Variants in NCOR2 observed in about 807,000 individuals in gnomAD.
The protein encoded by NCOR2 is CTG repeat protein 26.
Under a neutral mutation model 262.9 loss-of-function variants are expected in NCOR2, and 81 were observed. The ratio of observed to expected loss-of-function variants is 0.31; its 90% CI spans 0.26 to 0.37. The LOEUF (loss-of-function observed/expected upper bound fraction) is 0.37, where lower values mean the gene tolerates loss of function less well. Among genes scored for constraint, NCOR2 ranks in the 10% least tolerant of loss-of-function variants. The pLI is 1.00. For missense variants in NCOR2, 3,385 were observed against 3,621.4 expected, an observed-to-expected ratio of 0.93 and a Z score of 1.68; for synonymous variants, 1,659 against 1,559.3, an observed-to-expected ratio of 1.06 and a Z score of -1.51.
intron 1 of NCOR2, among the ~76,000 whole-genome samples, chr12:124,516,244 C>T (rs530289569): frequency 1.3e-5 from 2 of 152,316 alleles, no homozygotes; most frequent in African/African-American, 4.8e-5. Context: ...AAACACAGGA[C>T]GGCTGCCACC....
At chr12:124,329,180 G>C (rs2034959512) in intron 44 of NCOR2, 1 of 468,266 alleles carries the variant, frequency 2.1e-6, no homozygotes, top group Non-Finnish European at 4.4e-6. Context: ...AAAAAATCAG[G>C]CTGGGCGTGA....
chr12:124,340,742 T>C (rs1371175273), exon 35 of NCOR2: 1 of 1,541,730 alleles, frequency 6.5e-7, no homozygotes, highest in Non-Finnish European at 8.6e-7. Flanking sequence ...TTGGGACAGG[T>C]CGATGATGCC....
At chr12:124,384,920 T>C (rs943301553) in intron 17 of NCOR2, among the ~76,000 whole-genome samples, 2 of 151,910 alleles carry the variant, frequency 1.3e-5, no homozygotes, top group Non-Finnish European at 2.9e-5. Flanking sequence ...TGGGTGCTGA[T>C]CTCATAACTG....
At chr12:124,424,913 G>A (rs1365588283) in intron 11 of NCOR2, among the ~76,000 whole-genome samples, 2 of 152,198 alleles carry the variant, frequency 1.3e-5, no homozygotes, top group Admixed American at 6.5e-5. Flanking sequence ...CCACTCTCCT[G>A]CCTCCCAGAG....
chr12:124,448,623 T>G (rs938994041), intron 7 of NCOR2, among the ~76,000 whole-genome samples: 2 of 145,816 alleles, frequency 1.4e-5, no homozygotes, highest in Non-Finnish European at 3.0e-5. Context: ...AAGGAGAGAT[T>G]TTCTAGGCTG....
At chr12:124,433,719 G>A (rs1185454683) in intron 8 of NCOR2, among the ~76,000 whole-genome samples, 4 of 152,048 alleles carry the variant, frequency 2.6e-5, no homozygotes, top group Non-Finnish European at 4.4e-5. Flanking sequence ...AGCGCAGGGC[G>A]GGCAGCTCCG....
At chr12:124,403,587 C>T (rs1353360489) in intron 13 of NCOR2, among the ~76,000 whole-genome samples, 3 of 152,202 alleles carry the variant, frequency 2.0e-5, no homozygotes, top group African/African-American at 7.2e-5. Flanking sequence ...CCCTCTGAGC[C>T]AAGCGAAATA....
At chr12:124,354,337 A>G in intron 26 of NCOR2, 141 bp from the exon 29 acceptor site, 1 of 1,130,566 alleles carries the variant, frequency 8.8e-7, no homozygotes, top group Non-Finnish European at 1.3e-6. Flanking sequence ...CTACCCCTAA[A>G]TGGTGAGGGA....
At chr12:124,567,598 CGCGGCGGCGGTGGCGGCGGCGGCG>C (rs1197578816), upstream of NCOR2, 5 of 138,738 alleles carry the variant, frequency 3.6e-5, no homozygotes, top group African/African-American at 5.1e-5. Context: ...CCCCGGCGGC[CGCGGCGGCGGTGGCGGCGGCGGCG>C]GCGGCGGCGG....
At chr12:124,486,411 T>C (rs1183382906) in intron 2 of NCOR2, 30 bp downstream of exon 4, 2 of 1,610,734 alleles carry the variant, frequency 1.2e-6, no homozygotes, top group Admixed American at 3.3e-5. Flanking sequence ...TCTCACGCCC[T>C]GGACAGGGAG....
chr12:124,354,782 C>G (rs2037816824), intron 25 of NCOR2, 55 bp downstream of exon 27: 1 of 1,546,280 alleles, frequency 6.5e-7, no homozygotes, highest in Non-Finnish European at 8.8e-7. Context: ...GCCCCACCCA[C>G]AGGACAGCCA....
Position 124,517,663 on chromosome 12 carries a change from G to T in NCOR2, c.-118+17902C>A, listed in dbSNP as rs1457316039. 6.6e-6 allele frequency among the ~76,000 whole-genome samples: 1 copy of T among 152,176 alleles called. No homozygotes were observed. Among genetic ancestry groups the T allele is most frequent in the African/African-American group, 2.4e-5 (1 of 41,444 alleles). ...TCAACTCCGGGAACAGAAGCCCCCT[G>T]AGCCCCCAAGGCTCGCCATGCTCCC... On this transcript the variant is annotated intron_variant, in intron 1 of 46. Transcript: ENST00000404621. This position sits in a 1 kb window ranked among gnomAD's most constrained non-coding sequence, Gnocchi z 7.6.
chr12:124,489,032 C>G (rs937406412), intron 1 of NCOR2, among the ~76,000 whole-genome samples: 3 of 151,946 alleles, frequency 2.0e-5, no homozygotes, highest in Non-Finnish European at 2.9e-5. Context: ...CACACTGGCC[C>G]CCACCACTAG....
chr12:124,408,077 G>C (rs2042371764), intron 13 of NCOR2, among the ~76,000 whole-genome samples: 1 of 152,224 alleles, frequency 6.6e-6, no homozygotes, highest in Non-Finnish European at 1.5e-5. Flanking sequence ...AGGCGTGGCG[G>C]GGCGCGGTGG....
At chr12:124,438,559 C>A (rs11832970) in intron 7 of NCOR2, among the ~76,000 whole-genome samples, 1 of 151,276 alleles carries the variant, frequency 6.6e-6, no homozygotes, top group Admixed American at 6.6e-5. Flanking sequence ...AACCCCCGGG[C>A]GGGGGCGGTC....
chr12:124,347,686 T>A (rs1468604196), intron 30 of NCOR2, 139 bp downstream of exon 32: 9 of 796,048 alleles, frequency 1.1e-5, no homozygotes, highest in Non-Finnish European at 1.8e-5. Flanking sequence ...CACGTACTGA[T>A]CATGTACATG....
At chr12:124,372,992 G>A (rs924154894) in intron 19 of NCOR2, among the ~76,000 whole-genome samples, 6 of 152,238 alleles carry the variant, frequency 3.9e-5, no homozygotes, top group Admixed American at 3.9e-4. Flanking sequence ...CCCCGGCTCT[G>A]CCCCGCACTG....
Position 124,389,630 on chromosome 12 carries a change from G to A in NCOR2, c.1877-3743C>T, listed in dbSNP as rs1326321936. On this transcript the variant is annotated intron_variant, in intron 16 of 46. Transcript: ENST00000405201. The surrounding 1 kb of genome is among the most constrained non-coding windows in gnomAD (Gnocchi z 4.4). ...CCCCTGCCTGGCCTGATGCTGCCGA[G>A]GCTGACCGAGCCCTCTGTCGGGGAC... Among the ~76,000 whole-genome samples the A allele has an allele frequency of 1.3e-5, 2 of 152,120 alleles. No individual in the cohort carries two copies. Among genetic ancestry groups the A allele is most frequent in the African/African-American group, 4.8e-5 (2 of 41,416 alleles).
intron 10 of NCOR2, among the ~76,000 whole-genome samples, chr12:124,428,086 T>TGTGTGTGC (rs958627720): frequency 3.4e-5 from 5 of 147,054 alleles, no homozygotes; most frequent in Admixed American, 6.8e-5. Flanking sequence ...TGTGTGTGTG[T>TGTGTGTGC]GTACATGCAA....
Sources: gnomAD v4.1 joint callset for allele counts (sites outside exome capture counted in the v4.1 genomes callset) on GRCh38, gnomAD v4.1.1 for gene constraint, Gnocchi (gnomAD v3.1) non-coding constraint, MANE v1.5 for transcripts, NCBI Gene and HGNC (gene_info 2026-07-23, HGNC 2026-07-21) for gene names.